Variants in RNFT2 observed in about 807,000 individuals in gnomAD.
The protein encoded by RNFT2 is ring finger protein, transmembrane 2.
Under a neutral mutation model 53.0 loss-of-function variants are expected in RNFT2, and 36 were observed. That is an observed-to-expected ratio of 0.68 (90% CI 0.52 to 0.90). RNFT2 has a LOEUF of 0.90. Ranked by LOEUF, RNFT2 falls within the 40% of genes least tolerant of loss-of-function variation. The pLI is 0.00. For synonymous variants in RNFT2, 260 were observed against 253.2 expected (o/e 1.03, Z -0.26); for missense variants, 514 against 585.6 (o/e 0.88, Z 1.26).
At chr12:116,835,094 C>A (rs1019746000) in intron 8 of RNFT2, among the ~76,000 whole-genome samples, 10 of 152,148 alleles carry the variant, frequency 6.6e-5, no homozygotes, top group Non-Finnish European at 1.0e-4. Flanking sequence ...AAGTGATCCA[C>A]CTGCCTCAGC....
intron 6 of RNFT2, among the ~76,000 whole-genome samples, chr12:116,775,418 T>C (rs982997433): frequency 2.0e-5 from 3 of 152,206 alleles, no homozygotes; most frequent in Non-Finnish European, 4.4e-5. Flanking sequence ...GTGAGGACAC[T>C]GAGACTTCAT....
intron 5 of RNFT2, among the ~76,000 whole-genome samples, chr12:116,761,775 G>T (rs1232674758): frequency 6.6e-6 from 1 of 152,108 alleles, no homozygotes; most frequent in Non-Finnish European, 1.5e-5. Flanking sequence ...CTCATTCCAG[G>T]TTCAAATCCC....
intron 6 of RNFT2, among the ~76,000 whole-genome samples, chr12:116,769,876 A>G (rs201754796): frequency 6.6e-6 from 1 of 152,128 alleles, no homozygotes; most frequent in East Asian, 1.9e-4. Context: ...TACTAAAAAA[A>G]ATACCAAAAT....
chr12:116,814,694 G>A lies in RNFT2; in HGVS notation c.883-19098G>A, dbSNP rs117968796. On this transcript the variant is annotated intron_variant, in intron 7 of 10. Coordinates refer to ENST00000257575, the MANE Select transcript of RNFT2 (RefSeq NM_001382266.1). ...CCGTATGATATTTTTTTTTTTTTCC[G>A]ACAGAGTCTCACTCTGTTGCCCAGA... Among the ~76,000 whole-genome samples, 245 of 149,502 alleles carry A rather than the reference G, an allele frequency of 1.6e-3. 6 individuals carry two copies. In the East Asian group the frequency reaches 0.044, roughly 27 times the overall value.
Position 116,741,033 on chromosome 12 carries a change from T to C in RNFT2, c.25-3T>C. 4 of 1,610,008 alleles carry C rather than the reference T, an allele frequency of 2.5e-6. No homozygotes were observed. The highest frequency in any genetic ancestry group is 2.5e-6 in the Non-Finnish European group (3 of 1,178,064). On this transcript the variant is annotated splice_polypyrimidine_tract_variant and splice_region_variant and intron_variant, in intron 2 of 10. Transcript: ENST00000257575. Reference sequence around the variant, plus strand: ...TCTGGCTCACCCATGTGTTGGGTTTTAGGTGTTAAGGAAGATGCAGAGACG... The same window carrying C: ...TCTGGCTCACCCATGTGTTGGGTTTCAGGTGTTAAGGAAGATGCAGAGACG...
rs929431626 is a variant in RNFT2, at chr12:116,795,106, C to T, written c.882+15758C>T. Among the ~76,000 whole-genome samples, 37 of 151,158 alleles carry T rather than the reference C, an allele frequency of 2.4e-4. 1 individual carries two copies. The highest frequency in any genetic ancestry group is 8.6e-4 in the African/African-American group (35 of 40,582). On this transcript the variant is annotated intron_variant, in intron 7 of 10. Coordinates refer to ENST00000257575, the MANE Select transcript of RNFT2 (RefSeq NM_001382266.1). ...TTAAACATTTGATGTGTCCACATTG[C>T]CTCTTTATGAAAATGAAGGCCGGGC...
At chr12:116,805,357 A>G (rs545690951) in intron 7 of RNFT2, among the ~76,000 whole-genome samples, 1 of 152,276 alleles carries the variant, frequency 6.6e-6, no homozygotes, top group Non-Finnish European at 1.5e-5. Context: ...ATATATGTAC[A>G]TAGATTTATT....
At position 116,851,918 on chromosome 12, in the gene RNFT2, T is replaced by C; in HGVS notation, c.*2470T>C. 6.5e-7 allele frequency: 1 copy of C among 1,534,820 alleles called. No homozygotes were observed. Among genetic ancestry groups the C allele is most frequent in the African/African-American group, 1.4e-5 (1 of 73,074 alleles). ...AAGTCTCAGGCCTGTCAGCAGCTCC[T>C]GTGGACATTGCCATCCCCTCTGGTA... On this transcript the variant is annotated 3_prime_UTR_variant, in exon 11 of 11. Transcript: ENST00000257575.
chr12:116,830,517 G>T (rs1373409458), intron 7 of RNFT2, among the ~76,000 whole-genome samples: 1 of 152,030 alleles, frequency 6.6e-6, no homozygotes, highest in African/African-American at 2.4e-5. Flanking sequence ...TGAACTCCTG[G>T]GCTCAAGGGA....
rs907168151 is a variant in RNFT2 at position 116,741,226 on chromosome 12, A to C, written c.83+132A>C. 2.3e-5 allele frequency: 16 copies of C among 706,772 alleles called. No individual in the cohort carries two copies. In the African/African-American group the frequency reaches 2.7e-4, roughly 12 times the overall value. 43.8% of individuals were successfully genotyped at this position (706,772 alleles called of 1,614,324 possible). A position where few individuals can be genotyped will look rare whatever the true frequency, so the allele number is the denominator to read the frequency against. On this transcript the variant is annotated intron_variant, in intron 3 of 10. Transcript: ENST00000257575. ...AGTCACACTGATGGCCTCATACTAA[A>C]CATTCAACGCATAATAGCTTGCTCT...
intron 7 of RNFT2, among the ~76,000 whole-genome samples, chr12:116,800,812 T>TTAAAATAAAA (rs3069310): frequency 0.28 from 32,562 of 114,388 alleles, 5,586 homozygotes; most frequent in Non-Finnish European, 0.35. Context: ...AGACTCCATC[T>TTAAAATAAAA]TAAAATAAAA....
chr12:116,750,800 TATATATATAATATATATATTATATATATA>T (rs1872158217), intron 4 of RNFT2, among the ~76,000 whole-genome samples: 1 of 59,728 alleles, frequency 1.7e-5, no homozygotes, highest in African/African-American at 5.9e-5. Context: ...TGTGTGTGTA[TATATATATAATATATATATTATATATATA>T]ATATATATAT....
intron 10 of RNFT2, 98 bp downstream of exon 10, chr12:116,836,380 G>A: frequency 9.9e-7 from 1 of 1,014,314 alleles, no homozygotes; most frequent in Non-Finnish European, 1.5e-6. Context: ...TGGGTCTCTG[G>A]GGGGCAATCC....
At chr12:116,841,401 C>T (rs778345040) in intron 10 of RNFT2, among the ~76,000 whole-genome samples, 36 of 151,850 alleles carry the variant, frequency 2.4e-4, no homozygotes, top group South Asian at 2.1e-4. Flanking sequence ...TGCAGTGAGC[C>T]GAGATTGCAC....
chr12:116,740,128 C>G (rs1566065741), intron 1 of RNFT2, among the ~76,000 whole-genome samples: 1 of 151,608 alleles, frequency 6.6e-6, no homozygotes, highest in Non-Finnish European at 1.5e-5. Flanking sequence ...GCAGGAGAAT[C>G]GCTTGAACCT....
At position 116,789,824 on chromosome 12, in the gene RNFT2, G is replaced by A. The variant is rs558643877; in HGVS notation, c.882+10476G>A. Among the ~76,000 whole-genome samples, 3 of 148,648 alleles carry A rather than the reference G, an allele frequency of 2.0e-5. No individual in the cohort carries two copies. The South Asian group carries it at 6.5e-4, about 32-fold the overall frequency. On this transcript the variant is annotated intron_variant, in intron 7 of 10. Transcript: ENST00000257575. ...ATGGGTAAATGGAAGGAGAGTGGAT[G>A]GGTGGATGGGTAAATGGGAGGAGAG...
At chr12:116,824,649 A>G (rs995720649) in intron 7 of RNFT2, among the ~76,000 whole-genome samples, 1 of 152,196 alleles carries the variant, frequency 6.6e-6, no homozygotes, top group African/African-American at 2.4e-5. Flanking sequence ...AAGTTTCTAC[A>G]TGATGCTTAT....
intron 4 of RNFT2, among the ~76,000 whole-genome samples, chr12:116,750,706 G>T (rs774041553): frequency 2.7e-5 from 4 of 149,566 alleles, no homozygotes; most frequent in Non-Finnish European, 5.9e-5. Context: ...TATCAAGTGG[G>T]GGTATGATTT....
chr12:116,784,524 C>A (rs569915246), intron 7 of RNFT2, among the ~76,000 whole-genome samples: 22 of 152,224 alleles, frequency 1.4e-4, no homozygotes, highest in African/African-American at 5.3e-4. Context: ...TCATCTGGGG[C>A]CTGGGTTGAA....
Sources: gnomAD v4.1 joint callset for allele counts (sites outside exome capture counted in the v4.1 genomes callset) on GRCh38, gnomAD v4.1.1 for gene constraint, MANE v1.5 for transcripts, NCBI Gene and HGNC (gene_info 2026-07-23, HGNC 2026-07-21) for gene names.